The following PPIP5K1 variants were observed in gnomAD, a reference collection of about 807,000 sequenced individuals.
PPIP5K1 encodes the protein diphosphoinositol pentakisphosphate kinase 1, also known as inositol hexakisphosphate and diphosphoinositol-pentakisphosphate kinase 1.
In PPIP5K1, 6 loss-of-function variants were observed where a neutral mutation model predicts 27.7. The observed-to-expected ratio is 0.22, with a 90% CI of 0.12 to 0.43. PPIP5K1 has a LOEUF of 0.43. Ranked by LOEUF, PPIP5K1 falls within the 20% of genes least tolerant of loss-of-function variation. PPIP5K1 has a pLI of 1.00. For synonymous variants in PPIP5K1, 145 were observed against 242.6 expected, an observed-to-expected ratio of 0.60 and a Z score of 3.74; for missense variants, 394 against 635.4, an observed-to-expected ratio of 0.62 and a Z score of 4.08.
chr15:43,547,494 T>TA (rs1338359704), intron 30 of PPIP5K1, among the ~76,000 whole-genome samples: 1 of 152,252 alleles, frequency 6.6e-6, no homozygotes. Flanking sequence ...TTAACTCTTA[T>TA]ACTTAGGTCA....
rs144418967 is a variant in PPIP5K1 at position 43,535,252 on chromosome 15, C to T, written c.3895G>A (p.Val1299Met). 4.0e-5 allele frequency: 64 copies of T among 1,614,156 alleles called. No homozygotes were observed. The African/African-American group carries it at 6.1e-4, about 15-fold the overall frequency. The change falls in exon 32 of 32, where the codon GTG becomes ATG. Residue 1299 changes from valine to methionine, a missense_variant. Around this residue, in one of 4 missense-constraint regions of PPIP5K1, gnomAD observed 379 missense variants for 423.9 expected, o/e 0.89. Coordinates refer to ENST00000420765, the MANE Select transcript of PPIP5K1 (RefSeq NM_001394395.1). ...ELFEPNQSPQ[V>M]PPMETSQPYE... ...GGCTGGCTGGTTTCCATAGGTGGCACCTGTGGGGACTGATTTGGTTCAAAA... is the reference window on the plus strand; with the variant it reads ...GGCTGGCTGGTTTCCATAGGTGGCATCTGTGGGGACTGATTTGGTTCAAAA...
rs1293557795 is a variant in PPIP5K1 at position 43,551,606 on chromosome 15, G to GTTTTTTTTTTTTTTT, written c.3556+7188_3556+7189insAAAAAAAAAAAAAAA. Among the ~76,000 whole-genome samples, 366 of 105,386 alleles carry GTTTTTTTTTTTTTTT rather than the reference G, an allele frequency of 3.5e-3. 37 individuals are homozygous for GTTTTTTTTTTTTTTT. The highest frequency in any genetic ancestry group is 0.013 in the Middle Eastern group (2 of 156). 69.1% of individuals were successfully genotyped at this position (105,386 alleles called of 152,430 possible). ...TTTAGACTTTCTACTTCTTGATTCA[G>GTTTTTTTTTTTTTTT]TTTTTTTTTTTTTTGAGACGGAGTC... On this transcript the variant is annotated intron_variant, in intron 30 of 31. Transcript: ENST00000420765.
At chr15:43,553,667 C>A (rs1308811065) in intron 30 of PPIP5K1, among the ~76,000 whole-genome samples, 1 of 137,780 alleles carries the variant, frequency 7.3e-6, no homozygotes, top group Non-Finnish European at 1.5e-5. Flanking sequence ...TTTTTTGAGA[C>A]GGAGTATCAC....
At chr15:43,538,126 C>G (rs1473432001) in intron 31 of PPIP5K1, among the ~76,000 whole-genome samples, 1 of 152,096 alleles carries the variant, frequency 6.6e-6, no homozygotes, top group African/African-American at 2.4e-5. Context: ...GTTTCTTCCT[C>G]AAACAGGATG....
intron 30 of PPIP5K1, among the ~76,000 whole-genome samples, chr15:43,552,327 C>T (rs1249425667): frequency 6.6e-6 from 1 of 151,736 alleles, no homozygotes; most frequent in Non-Finnish European, 1.5e-5. Flanking sequence ...CATCCCATAC[C>T]ATCTGGCATG....
At chr15:43,540,095 A>C (rs2080464419) in intron 30 of PPIP5K1, among the ~76,000 whole-genome samples, 1 of 151,776 alleles carries the variant, frequency 6.6e-6, no homozygotes, top group Non-Finnish European at 1.5e-5. Flanking sequence ...TCTACTAAAA[A>C]TACAAAAATG....
intron 30 of PPIP5K1, among the ~76,000 whole-genome samples, chr15:43,543,083 G>T (rs2080967561): frequency 6.6e-6 from 1 of 151,106 alleles, no homozygotes; most frequent in South Asian, 2.1e-4. Flanking sequence ...GATCATCCTG[G>T]GCTTTCTTTG....
At position 43,542,200 on chromosome 15, in the gene PPIP5K1, G is replaced by A. The variant is rs78223610; in HGVS notation, c.3557-2617C>T. Reference sequence around the variant, plus strand: ...ACAGTTCTCACTGAAAAGGCAGAATGTTTATTTCCCTTTAATTGGTTTTCA... The same window carrying A: ...ACAGTTCTCACTGAAAAGGCAGAATATTTATTTCCCTTTAATTGGTTTTCA... On this transcript the variant is annotated intron_variant, in intron 30 of 31. Coordinates refer to ENST00000420765, the MANE Select transcript of PPIP5K1 (RefSeq NM_001394395.1). 7.5e-3 allele frequency among the ~76,000 whole-genome samples: 1,125 copies of A among 150,424 alleles called. 21 individuals are homozygous for A. Among genetic ancestry groups the A allele is most frequent in the East Asian group, 0.052 (267 of 5,088 alleles).
intron 30 of PPIP5K1, among the ~76,000 whole-genome samples, chr15:43,547,915 T>C (rs927479966): frequency 2.6e-5 from 4 of 152,222 alleles, no homozygotes; most frequent in Admixed American, 6.5e-5. Flanking sequence ...AGGGATTGCA[T>C]TAAATCCATA....
At chr15:43,558,500 A>C (rs958916472) in intron 30 of PPIP5K1, among the ~76,000 whole-genome samples, 5 of 152,160 alleles carry the variant, frequency 3.3e-5, no homozygotes, top group African/African-American at 1.2e-4. Flanking sequence ...TGCTGGGATT[A>C]CAGGCATGAG....
intron 30 of PPIP5K1, among the ~76,000 whole-genome samples, chr15:43,541,452 C>T (rs1595719528): frequency 6.6e-6 from 1 of 152,054 alleles, no homozygotes. Flanking sequence ...CACGGTGGCT[C>T]ATGCCTGTAA....
At chr15:43,548,532 G>A (rs2081676034) in intron 30 of PPIP5K1, 1 of 149,134 alleles carries the variant, frequency 6.7e-6, no homozygotes, top group South Asian at 2.1e-4. Context: ...TTACAGGTGT[G>A]AGCCACCGCA....
Position 43,558,870 on chromosome 15 carries a change from A to T in PPIP5K1, c.3481T>A (p.Ser1161Thr), listed in dbSNP as rs1326675171. The T allele has an allele frequency of 6.2e-7, 1 of 1,614,102 alleles. No individual in the cohort carries two copies. Among genetic ancestry groups the T allele is most frequent in the Non-Finnish European group, 8.5e-7 (1 of 1,180,010 alleles). ...AAGAATTCACTCACTTGACGTAGGG[A>T]AAGGGCATTATGCAGTGTTTCCAGA... is the stretch of plus-strand genomic sequence containing the variant. ...YPLETLHNAL[S>T]LRQVSEFLSR... Residue 1161 changes from serine to threonine, a missense_variant, in exon 30 of 32, where the codon TCC becomes ACC. Ser to Thr is a moderately conservative substitution (Grantham distance 58). Coordinates refer to ENST00000420765, the MANE Select transcript of PPIP5K1 (RefSeq NM_001394395.1).
Position 43,534,730 on chromosome 15 carries a change from C to T in PPIP5K1, c.4417G>A (p.Glu1473Lys). 6.5e-7 allele frequency: 1 copy of T among 1,545,082 alleles called. No homozygotes were observed. Among genetic ancestry groups the T allele is most frequent in the Non-Finnish European group, 8.7e-7 (1 of 1,149,086 alleles). The change falls in exon 32 of 32, where the codon GAG becomes AAG. Residue 1473 changes from glutamate to lysine, a missense_variant. This residue lies in a region of PPIP5K1 where 379 missense variants were observed against 423.9 expected (regional missense o/e 0.89). Coordinates refer to ENST00000420765, the MANE Select transcript of PPIP5K1 (RefSeq NM_001394395.1). ...GIPEIDKPSQ[E>K]FPEEIDLQAQ... ...TGCAGATCAATCTCCTCAGGGAACT[C>T]TTGGGATGGTTTATCAATCTCAGGG...
rs181204046 is a variant in PPIP5K1, at chr15:43,555,487, T to C, written c.3556+3308A>G. ...TTTTTGTAGAGGTGGGGTTTTGCCATGTTGCCCAGGCTGATCTTGAACTCT... is the reference window on the plus strand; with the variant it reads ...TTTTTGTAGAGGTGGGGTTTTGCCACGTTGCCCAGGCTGATCTTGAACTCT... On this transcript the variant is annotated intron_variant, in intron 30 of 31. Transcript: ENST00000420765. Among the ~76,000 whole-genome samples the C allele has an allele frequency of 2.6e-5, 4 of 152,072 alleles. No individual in the cohort carries two copies. In the East Asian group the frequency reaches 7.7e-4, roughly 29 times the overall value.
In PPIP5K1 at chr15:43,534,852, A is replaced by T. The variant is rs1009138829; in HGVS notation, c.4295T>A (p.Ile1432Asn). 1.9e-6 allele frequency: 3 copies of T among 1,613,128 alleles called. No individual in the cohort carries two copies. The highest frequency in any genetic ancestry group is 2.5e-6 in the Non-Finnish European group (3 of 1,179,606). The change falls in exon 32 of 32, where the codon ATC (isoleucine) becomes AAC (asparagine). Residue 1432 changes from isoleucine to asparagine, a missense_variant. Ile to Asn is a moderately radical substitution (Grantham distance 149, BLOSUM62 -3). Coordinates refer to ENST00000420765, the MANE Select transcript of PPIP5K1 (RefSeq NM_001394395.1). Reference protein sequence around the residue: ...LVEVGSPAEEIPEEVIQPYQE... With the variant: ...LVEVGSPAEENPEEVIQPYQE... Reference sequence around the variant, plus strand: ...GTATGGCTGGATGACCTCCTCAGGGATCTCTTCAGCTGGGCTGCCAACTTC... The same window carrying T: ...GTATGGCTGGATGACCTCCTCAGGGTTCTCTTCAGCTGGGCTGCCAACTTC...
At chr15:43,553,640 C>CTG (rs34427127) in intron 30 of PPIP5K1, among the ~76,000 whole-genome samples, 23,998 of 146,768 alleles carry the variant, frequency 0.16, 2,165 homozygotes, top group Middle Eastern at 0.25. Context: ...TACTAATTTT[C>CTG]TGTGTGTTTT....
Position 43,535,097 on chromosome 15 carries a change from A to G in PPIP5K1, c.4050T>C (p.His1350=). 1 of 1,613,470 alleles carries G rather than the reference A, an allele frequency of 6.2e-7. No individual in the cohort carries two copies. Among genetic ancestry groups the G allele is most frequent in the Non-Finnish European group, 8.5e-7 (1 of 1,179,870 alleles). The part of the protein sequence containing the change: ...PDISQQCQEN[H]DNGNHTCQEV... ...CCTGGCATGTGTGGTTACCATTGTCATGGTTCTCCTGGCATTGCTGGCTGA... is the reference window on the plus strand; with the variant it reads ...CCTGGCATGTGTGGTTACCATTGTCGTGGTTCTCCTGGCATTGCTGGCTGA... Residue 1350 remains histidine (H), a synonymous_variant, in exon 32 of 32, where the codon CAT becomes CAC. Transcript: ENST00000420765.
In PPIP5K1 at chr15:43,557,653, C is replaced by CTCTT. The variant is rs1224935839; in HGVS notation, c.3556+1138_3556+1141dup. ...TTTCAGGGTTTTTTCTCTCTCTCTT[C>CTCTT]TCTTTCTCTCTCTCTCTCTCTCTCT... On this transcript the variant is annotated intron_variant, in intron 30 of 31. Transcript: ENST00000420765. Among the ~76,000 whole-genome samples the CTCTT allele has an allele frequency of 4.6e-5, 7 of 151,708 alleles. No individual in the cohort carries two copies. The East Asian group carries it at 1.4e-3, about 29-fold the overall frequency.
Sources: gnomAD v4.1 joint callset for allele counts (sites outside exome capture counted in the v4.1 genomes callset) on GRCh38, gnomAD v4.1.1 for gene constraint, gnomAD v4.1.1 regional missense constraint, MANE v1.5 for transcripts, NCBI Gene and HGNC (gene_info 2026-07-23, HGNC 2026-07-21) for gene names.